DTNA: variants seen among roughly 807,000 people sequenced by gnomAD.
DTNA encodes the protein dystrophin-related protein 3.
In DTNA, 43 loss-of-function variants were observed where a neutral mutation model predicts 100.7. That is an observed-to-expected ratio of 0.43 (90% CI 0.33 to 0.55). The LOEUF (loss-of-function observed/expected upper bound fraction) is 0.55, where lower values mean the gene tolerates loss of function less well. Among genes scored for constraint, DTNA ranks in the 20% least tolerant of loss-of-function variants. DTNA has a pLI of 0.04. For synonymous variants in DTNA, 349 were observed against 347.9 expected, an observed-to-expected ratio of 1.00 and a Z score of -0.04; for missense variants, 798 against 953.9, an observed-to-expected ratio of 0.84 and a Z score of 2.15.
Position 34,889,962 on chromosome 18 carries a change from A to T in DTNA, c.*2228A>T. 1 of 1,096,218 alleles carries T rather than the reference A, an allele frequency of 9.1e-7. No homozygotes were observed. Among genetic ancestry groups the T allele is most frequent in the Non-Finnish European group, 1.1e-6 (1 of 898,908 alleles). The allele number at this position is 1,096,218 out of a possible 1,614,324, so 67.9% of individuals were successfully genotyped here. A position where few individuals can be genotyped will look rare whatever the true frequency, so the allele number is the denominator to read the frequency against. ...AGGTGGCCACTGGTGCCTCATACTCAGTATTGAAAACCACTACATCCCAGC... is the reference window on the plus strand; with the variant it reads ...AGGTGGCCACTGGTGCCTCATACTCTGTATTGAAAACCACTACATCCCAGC... On this transcript the variant is annotated 3_prime_UTR_variant, in exon 23 of 23. Transcript: ENST00000444659.
intron 14 of DTNA, 65 bp downstream of exon 14, chr18:34,848,448 G>T: frequency 6.6e-7 from 1 of 1,511,164 alleles, no homozygotes; most frequent in Non-Finnish European, 9.2e-7. Flanking sequence ...TATATGTCAT[G>T]TTTATTGTTA....
At chr18:34,570,009 AT>A (rs1318082335) in intron 1 of DTNA, among the ~76,000 whole-genome samples, 5 of 152,190 alleles carry the variant, frequency 3.3e-5, no homozygotes, top group Non-Finnish European at 2.9e-5. Context: ...CATACGTTCC[AT>A]TAGCTGCCAG....
intron 1 of DTNA, among the ~76,000 whole-genome samples, chr18:34,625,703 G>A (rs1019734907): frequency 5.9e-5 from 9 of 152,214 alleles, no homozygotes; most frequent in African/African-American, 2.2e-4. Flanking sequence ...TAGAGGCTCT[G>A]AGAGTTCAGT....
chr18:34,750,646 G>A (rs557381611), intron 1 of DTNA, among the ~76,000 whole-genome samples: 107 of 152,234 alleles, frequency 7.0e-4, no homozygotes, highest in African/African-American at 2.4e-3. Flanking sequence ...ACCTTCTTGA[G>A]TCTTAAGTTC....
chr18:34,642,925 C>T (rs2059456029), intron 1 of DTNA, among the ~76,000 whole-genome samples: 1 of 152,188 alleles, frequency 6.6e-6, no homozygotes. Context: ...TACAGAAATT[C>T]AGACCCTCCC....
At chr18:34,789,336 A>C (rs1481938590) in intron 3 of DTNA, among the ~76,000 whole-genome samples, 1 of 152,218 alleles carries the variant, frequency 6.6e-6, no homozygotes, top group African/African-American at 2.4e-5. Flanking sequence ...CAGAAATGAC[A>C]TTTTTAAGCT....
At chr18:34,703,456 C>T (rs1490973778) in intron 1 of DTNA, among the ~76,000 whole-genome samples, 1 of 152,152 alleles carries the variant, frequency 6.6e-6, no homozygotes, top group Non-Finnish European at 1.5e-5. Flanking sequence ...GGTCAAGTGC[C>T]TCCCTCACAG....
At chr18:34,571,397 A>T (rs184451277) in intron 1 of DTNA, among the ~76,000 whole-genome samples, 324 of 152,258 alleles carry the variant, frequency 2.1e-3, no homozygotes, top group Middle Eastern at 6.8e-3. Flanking sequence ...CTCACCCAGG[A>T]AAAGAGACTT....
At chr18:34,678,813 TA>T (rs1432209930) in intron 1 of DTNA, among the ~76,000 whole-genome samples, 1 of 152,160 alleles carries the variant, frequency 6.6e-6, no homozygotes, top group African/African-American at 2.4e-5. Context: ...CAAAAGCTTA[TA>T]AAACCATTCA....
intron 3 of DTNA, among the ~76,000 whole-genome samples, chr18:34,777,784 C>T (rs892991355): frequency 3.9e-5 from 6 of 152,186 alleles, no homozygotes; most frequent in Admixed American, 2.6e-4. Context: ...ATGATCCAAT[C>T]GCCTCCCTCA....
intron 14 of DTNA, among the ~76,000 whole-genome samples, chr18:34,850,515 G>A (rs1043036532): frequency 4.6e-5 from 7 of 152,148 alleles, no homozygotes; most frequent in Non-Finnish European, 8.8e-5. Flanking sequence ...CTTTATAAAA[G>A]CAAAACCTTT....
intron 1 of DTNA, among the ~76,000 whole-genome samples, chr18:34,724,386 T>G (rs190593186): frequency 8.5e-5 from 13 of 152,322 alleles, no homozygotes; most frequent in Admixed American, 8.5e-4. Context: ...TATCATAAAC[T>G]GTTGGTAGAA....
intron 5 of DTNA, among the ~76,000 whole-genome samples, chr18:34,807,268 G>A (rs2095385514): frequency 6.6e-6 from 1 of 152,184 alleles, no homozygotes; most frequent in South Asian, 2.1e-4. Context: ...GTTAGAAAGG[G>A]CACTGTCCTG....
At chr18:34,749,670 TAATAATAAC>T (rs35295828) in intron 1 of DTNA, among the ~76,000 whole-genome samples, 124,303 of 147,086 alleles carry the variant, frequency 0.85, 52,923 homozygotes, top group East Asian at 0.99. Flanking sequence ...ATAATAATAA[TAATAATAAC>T]AAATAAGATA....
At chr18:34,571,978 G>A (rs762265873) in intron 1 of DTNA, among the ~76,000 whole-genome samples, 13 of 152,134 alleles carry the variant, frequency 8.5e-5, no homozygotes, top group Non-Finnish European at 1.9e-4. Context: ...TAATGTCCAG[G>A]GTCACCAACC....
At chr18:34,659,085 C>CGT (rs35030778) in intron 1 of DTNA, among the ~76,000 whole-genome samples, 11,106 of 151,258 alleles carry the variant, frequency 0.073, 465 homozygotes, top group Non-Finnish European at 0.086. Flanking sequence ...ATTTACTGTA[C>CGT]GTGTGTGTGT....
intron 15 of DTNA, among the ~76,000 whole-genome samples, chr18:34,853,743 G>A (rs1198095358): frequency 6.6e-6 from 1 of 152,042 alleles, no homozygotes; most frequent in Non-Finnish European, 1.5e-5. Context: ...ATTAAGAAGG[G>A]AAAGAGCAGA....
At chr18:34,756,511 A>C (rs1399213264) in intron 2 of DTNA, among the ~76,000 whole-genome samples, 1 of 152,192 alleles carries the variant, frequency 6.6e-6, no homozygotes, top group African/African-American at 2.4e-5. Context: ...AGTTAGGCAC[A>C]ATTACTGGAC....
intron 1 of DTNA, among the ~76,000 whole-genome samples, chr18:34,743,652 C>T (rs1196628310): frequency 6.6e-6 from 1 of 152,110 alleles, no homozygotes; most frequent in African/African-American, 2.4e-5. Context: ...ATAGCTCCTT[C>T]TGCAACATAG....
Sources: allele counts gnomAD v4.1 joint callset (sites outside exome capture counted in the v4.1 genomes callset), GRCh38; gene constraint gnomAD v4.1.1; transcripts MANE v1.5; gene names NCBI Gene and HGNC (gene_info 2026-07-23, HGNC 2026-07-21).